Variants in FGD1 observed in about 807,000 individuals in gnomAD.
The protein encoded by FGD1 is FYVE, RhoGEF and PH domain containing 1.
In FGD1, 12 loss-of-function variants were observed where a neutral mutation model predicts 65.0. The ratio of observed to expected loss-of-function variants is 0.18; its 90% CI spans 0.12 to 0.30. The LOEUF (loss-of-function observed/expected upper bound fraction) is 0.30. FGD1 is among the 10% of genes least tolerant of loss of function. The probability of loss-of-function intolerance (pLI) is 1.00; values close to 1 mark genes in which losing one functional copy is unlikely to be tolerated. For synonymous variants in FGD1, 333 were observed against 343.9 expected (o/e 0.97, Z 0.35); for missense variants, 542 against 837.6 (o/e 0.65, Z 4.36).
intron 12 of FGD1, among the ~76,000 whole-genome samples, chrX:54,453,151 T>G (rs1026893835): frequency 9.0e-6 from 1 of 111,411 alleles, no homozygotes; most frequent in East Asian, 2.8e-4. Flanking sequence ...CTGCAGATGA[T>G]GAGTCCCTGT....
chrX:54,488,275 A>C (rs1923333065), intron 1 of FGD1, among the ~76,000 whole-genome samples: 1 of 67,397 alleles, frequency 1.5e-5, no homozygotes, highest in African/African-American at 6.0e-5. Context: ...GTCTCAAAAA[A>C]AAAAAAAAAA....
Position 54,445,885 on chromosome X carries a change from A to T in FGD1, c.*224T>A, listed in dbSNP as rs1922142206. The T allele has an allele frequency of 2.5e-6, 1 of 405,519 alleles. No homozygotes were observed. 33.4% of individuals were successfully genotyped at this position (405,519 alleles called of 1,213,427 possible). A position where few individuals can be genotyped will look rare whatever the true frequency, so the allele number is the denominator to read the frequency against. On this transcript the variant is annotated 3_prime_UTR_variant, in exon 18 of 18. Coordinates refer to ENST00000375135, the MANE Select transcript of FGD1 (RefSeq NM_004463.3). ...GCAACGGCTCCCACCCTCCCTGGGG[A>T]CAGGGATTAATAAAAATTGACATCA...
At chrX:54,483,239 C>T (rs1452407099) in intron 1 of FGD1, among the ~76,000 whole-genome samples, 1 of 111,722 alleles carries the variant, frequency 9.0e-6, no homozygotes, top group East Asian at 2.9e-4. Flanking sequence ...CCCAGCCTTC[C>T]CTGCCCCTCC....
chrX:54,450,243 C>G (rs1416667632), intron 13 of FGD1, 28 bp downstream of exon 13: 3 of 1,195,559 alleles, frequency 2.5e-6, no homozygotes, highest in Non-Finnish European at 3.4e-6. Flanking sequence ...ACTCTTCTAG[C>G]CCCCTACCAC....
At chrX:54,450,248 T>G in intron 13 of FGD1, 23 bp downstream of exon 13, 1 of 1,203,107 alleles carries the variant, frequency 8.3e-7, no homozygotes, top group Non-Finnish European at 1.1e-6. Context: ...TCTAGCCCCC[T>G]ACCACAGAGC....
At chrX:54,485,429 GT>G (rs769123924) in intron 1 of FGD1, among the ~76,000 whole-genome samples, 30 of 111,965 alleles carry the variant, frequency 2.7e-4, no homozygotes, top group African/African-American at 8.8e-4. Context: ...GCTACCCTGG[GT>G]GTACGTGAAA....
intron 1 of FGD1, among the ~76,000 whole-genome samples, chrX:54,492,564 C>T (rs748577900): frequency 6.2e-5 from 7 of 112,311 alleles, no homozygotes; most frequent in Non-Finnish European, 1.9e-5. Context: ...ACCCCTGGGC[C>T]GGCTGGGCAG....
chrX:54,488,400 A>G (rs1923339174), intron 1 of FGD1, among the ~76,000 whole-genome samples: 1 of 107,938 alleles, frequency 9.3e-6, no homozygotes, highest in Non-Finnish European at 1.9e-5. Context: ...CCTGGCTAAC[A>G]CGGTGAAACC....
chrX:54,494,738 G>A (rs1388940540), intron 1 of FGD1, among the ~76,000 whole-genome samples: 1 of 111,370 alleles, frequency 9.0e-6, no homozygotes, highest in Non-Finnish European at 1.9e-5. Context: ...CAATGTAGGC[G>A]CTTGGCAAAT....
chrX:54,449,005 CG>C (rs1569540993), intron 15 of FGD1, 38 bp from the exon 16 acceptor site: 1 of 1,201,932 alleles, frequency 8.3e-7, no homozygotes, highest in African/African-American at 1.7e-5. Flanking sequence ...CTGATTCCAG[CG>C]GGTCTTCCCT....
At chrX:54,489,034 C>A (rs1357377013) in intron 1 of FGD1, among the ~76,000 whole-genome samples, 1 of 112,132 alleles carries the variant, frequency 8.9e-6, no homozygotes, top group Non-Finnish European at 1.9e-5. Flanking sequence ...ACAACAAAAA[C>A]AAAAATTGAC....
chrX:54,478,232 G>A (rs1923063923), intron 1 of FGD1, among the ~76,000 whole-genome samples: 2 of 111,934 alleles, frequency 1.8e-5, no homozygotes, highest in African/African-American at 6.5e-5. Context: ...ATGTGGCAGA[G>A]CCGGGCCTTC....
rs753136319 is a variant in FGD1 at position 54,470,204 on chromosome X, G to A, written c.913C>T (p.Pro305Ser). 4.1e-6 allele frequency: 5 copies of A among 1,207,412 alleles called. No individual in the cohort carries two copies. In the South Asian group the frequency reaches 8.9e-5, roughly 22 times the overall value. ...CCAGGGCAGAGGCTGTGGCTGGGGG[G>A]CCCGTCATCACTGACGAAGCAGGTC... is the stretch of plus-strand genomic sequence containing the variant. ...EETCFVSDDG[P>S]PSHSLCPGPP... Residue 305 changes from proline (P) to serine (S), a missense_variant, in exon 4 of 18, where the codon CCC becomes TCC. Coordinates refer to ENST00000375135, the MANE Select transcript of FGD1 (RefSeq NM_004463.3).
chrX:54,461,383 A>G (rs749989379), intron 8 of FGD1, among the ~76,000 whole-genome samples: 268 of 108,763 alleles, frequency 2.5e-3, no homozygotes, highest in African/African-American at 8.4e-3. Context: ...CAGGTGGATC[A>G]CGAGGTCAGG....
intron 1 of FGD1, among the ~76,000 whole-genome samples, chrX:54,484,203 CCCTA>C (rs749268344): frequency 1.1e-3 from 119 of 112,229 alleles, no homozygotes; most frequent in Non-Finnish European, 1.9e-3. Context: ...GTCTGCCTCT[CCCTA>C]CCTCTGGACT....
At chrX:54,457,848 T>C (rs1277777994) in intron 8 of FGD1, among the ~76,000 whole-genome samples, 2 of 110,100 alleles carry the variant, frequency 1.8e-5, no homozygotes, top group African/African-American at 3.3e-5. Flanking sequence ...AATGAGTCCC[T>C]GTACATCTCC....
At chrX:54,461,300 A>G (rs1922622704) in intron 8 of FGD1, among the ~76,000 whole-genome samples, 1 of 110,322 alleles carries the variant, frequency 9.1e-6, no homozygotes, top group African/African-American at 3.3e-5. Context: ...TCCATCTGGT[A>G]AATGAAAAAT....
chrX:54,450,549 A>G (rs1922352056), intron 12 of FGD1, among the ~76,000 whole-genome samples: 1 of 111,573 alleles, frequency 9.0e-6, no homozygotes, highest in Admixed American at 9.6e-5. Context: ...CAAGGAGCTC[A>G]TGGTCTAGTA....
At chrX:54,448,729 G>T in intron 16 of FGD1, 77 bp downstream of exon 16, 2 of 1,055,329 alleles carry the variant, frequency 1.9e-6, no homozygotes, top group Non-Finnish European at 2.6e-6. Context: ...CAAATACTCG[G>T]GCCTCCTCAG....
Sources: gnomAD v4.1 joint callset for allele counts (sites outside exome capture counted in the v4.1 genomes callset) on GRCh38, gnomAD v4.1.1 for gene constraint, MANE v1.5 for transcripts, NCBI Gene and HGNC (gene_info 2026-07-23, HGNC 2026-07-21) for gene names.